DCHS2: variants seen among roughly 807,000 people sequenced by gnomAD.
The protein encoded by DCHS2 is dachsous cadherin-related 2.
In DCHS2, 142 loss-of-function variants were observed where a neutral mutation model predicts 182.4. That is an observed-to-expected ratio of 0.78 (90% CI 0.68 to 0.89). The LOEUF is 0.89. Among genes scored for constraint, DCHS2 ranks in the 40% least tolerant of loss-of-function variants. The probability of loss-of-function intolerance (pLI) is 0.00; values close to 1 mark genes in which losing one functional copy is unlikely to be tolerated. For missense variants in DCHS2, 4,319 were observed against 4,198.6 expected, an observed-to-expected ratio of 1.03 and a Z score of -0.79; for synonymous variants, 1,740 against 1,663.3, an observed-to-expected ratio of 1.05 and a Z score of -1.12.
chr4:154,304,997 A>G, intron 11 of DCHS2, 100 bp downstream of exon 11: 4 of 1,504,014 alleles, frequency 2.7e-6, no homozygotes, highest in Non-Finnish European at 8.8e-7. Context: ...TATTTTATTT[A>G]AAAACACCCC....
At position 154,490,587 on chromosome 4, in the gene DCHS2, C is replaced by G; in HGVS notation, c.769G>C (p.Glu257Gln). Residue 257 changes from glutamate to glutamine, a missense_variant, in exon 1 of 20, where the codon GAG (glutamate) becomes CAG (glutamine). By Grantham distance (29) the Glu-to-Gln change is conservative. Transcript: ENST00000357232. ...DLVLLRRLDR[E>Q]EAAAHRLQIE... ...TGCAGCCGGTGCGCCGCCGCCTCCT[C>G]TCGGTCCAAGCGCCGCAGCAGCACC... is the stretch of plus-strand genomic sequence containing the variant. The G allele has an allele frequency of 6.5e-7, 1 of 1,545,844 alleles. No individual in the cohort carries two copies. Among genetic ancestry groups the G allele is most frequent in the South Asian group, 1.2e-5 (1 of 83,984 alleles).
chr4:154,305,535 A>G (rs182331711), intron 10 of DCHS2, among the ~76,000 whole-genome samples: 20 of 152,116 alleles, frequency 1.3e-4, no homozygotes, highest in African/African-American at 4.8e-4. Context: ...ATTCCTAATT[A>G]CTCCTTCTAA....
intron 1 of DCHS2, among the ~76,000 whole-genome samples, chr4:154,485,529 A>G (rs1400355872): frequency 1.3e-5 from 2 of 152,244 alleles, no homozygotes; most frequent in Non-Finnish European, 2.9e-5. Context: ...AAGGAGATGG[A>G]GAACACACAC....
At chr4:154,426,210 G>T (rs967925875) in intron 1 of DCHS2, among the ~76,000 whole-genome samples, 6 of 152,076 alleles carry the variant, frequency 3.9e-5, no homozygotes, top group African/African-American at 1.4e-4. Context: ...GTGACTAACA[G>T]GTGACAAAAA....
chr4:154,490,278 C>A lies in DCHS2; in HGVS notation c.1078G>T (p.Glu360Ter), dbSNP rs924466734. ...CACACTCGCACCACGCCGCTCAGCT[C>A]CTCCACCGCGAAGTAGGCCGCGTCG... ...LGDAAYFAVE[E>*]LSGVVRVWRP... Residue 360 changes from glutamate (E) to a stop codon, truncating the protein, a stop_gained, in exon 1 of 20, where the codon GAG becomes TAG. Coordinates refer to ENST00000357232, the MANE Select transcript of DCHS2 (RefSeq NM_001358235.2). LOFTEE classifies it high-confidence loss of function. 1 of 1,548,720 alleles carries A rather than the reference C, an allele frequency of 6.5e-7. No homozygotes were observed. The highest frequency in any genetic ancestry group is 1.2e-5 in the South Asian group (1 of 84,018).
chr4:154,366,382 ATGATTAT>A lies in DCHS2; in HGVS notation c.2297_2303del (p.Asp766ValfsTer10). 6.2e-7 allele frequency: 1 copy of A among 1,613,950 alleles called. No individual in the cohort carries two copies. Among genetic ancestry groups the A allele is most frequent in the Non-Finnish European group, 8.5e-7 (1 of 1,179,946 alleles). ...CATAGGTTGATGGGTTAAACACAGG[ATGATTAT>A]CATTCACGTCCTCCAGGTCCACACG... On this transcript the variant is annotated frameshift_variant, in exon 3 of 20. Coordinates refer to ENST00000357232, the MANE Select transcript of DCHS2 (RefSeq NM_001358235.2). LOFTEE classifies it high-confidence loss of function.
At chr4:154,439,025 C>G (rs1335799532) in intron 1 of DCHS2, among the ~76,000 whole-genome samples, 1 of 152,140 alleles carries the variant, frequency 6.6e-6, no homozygotes, top group Non-Finnish European at 1.5e-5. Context: ...TTCTTTATGA[C>G]TTTTCATACA....
chr4:154,397,125 G>C (rs756721092), intron 1 of DCHS2, among the ~76,000 whole-genome samples: 4 of 152,146 alleles, frequency 2.6e-5, no homozygotes, highest in Non-Finnish European at 4.4e-5. Context: ...GAGCAGAAAA[G>C]GACACCGCAC....
intron 9 of DCHS2, 27 bp from the exon 10 acceptor site, chr4:154,316,014 C>A: frequency 6.2e-7 from 1 of 1,611,750 alleles, no homozygotes; most frequent in Non-Finnish European, 8.5e-7. Context: ...AGAAAAGCAA[C>A]ATGTAATGAA....
In DCHS2 at chr4:154,297,913, T is replaced by C. The variant is rs758731445; in HGVS notation, c.6401A>G (p.Asp2134Gly). 4 of 1,614,100 alleles carry C rather than the reference T, an allele frequency of 2.5e-6. No homozygotes were observed. Among genetic ancestry groups the C allele is most frequent in the Non-Finnish European group, 3.4e-6 (4 of 1,180,000 alleles). ...GLLVIHMEGE[D>G]VKISFSHHLY... ...GTGGTGGCTGAAGGAAATCTTTACA[T>C]CTTCTCCTTCCATGTGAATGACCAA... is the stretch of plus-strand genomic sequence containing the variant. The change falls in exon 13 of 20, where the codon GAT becomes GGT. Residue 2134 changes from aspartate to glycine, a missense_variant. Transcript: ENST00000357232.
chr4:154,403,828 A>C (rs1421013700), intron 1 of DCHS2, among the ~76,000 whole-genome samples: 1 of 152,156 alleles, frequency 6.6e-6, no homozygotes, highest in Non-Finnish European at 1.5e-5. Context: ...TTTTTGTGTC[A>C]GTTTTGTAAA....
chr4:154,292,613 C>T (rs919288494), intron 13 of DCHS2, among the ~76,000 whole-genome samples: 2 of 152,188 alleles, frequency 1.3e-5, no homozygotes, highest in African/African-American at 4.8e-5. Context: ...GCTTTTAGTG[C>T]CATTCCTTTA....
At chr4:154,368,517 CT>C (rs35087635) in intron 2 of DCHS2, among the ~76,000 whole-genome samples, 64,950 of 141,886 alleles carry the variant, frequency 0.46, 14,263 homozygotes, top group South Asian at 0.57. Context: ...ACGTATAATA[CT>C]TTTTTTTTTT....
In DCHS2 at chr4:154,269,888, G is replaced by A; in HGVS notation, c.6577+12C>T. ...CAGAAAATAAAGCTAGTATAGGGTAGAGAAGGATTACCTGACTTAGAGCAC... is the reference window on the plus strand; with the variant it reads ...CAGAAAATAAAGCTAGTATAGGGTAAAGAAGGATTACCTGACTTAGAGCAC... On this transcript the variant is annotated intron_variant, in intron 14 of 19. Coordinates refer to ENST00000357232, the MANE Select transcript of DCHS2 (RefSeq NM_001358235.2). 1.2e-6 allele frequency: 2 copies of A among 1,607,648 alleles called. No homozygotes were observed. Among genetic ancestry groups the A allele is most frequent in the Non-Finnish European group, 1.7e-6 (2 of 1,177,840 alleles).
chr4:154,350,681 T>C (rs2111406039), intron 3 of DCHS2, among the ~76,000 whole-genome samples: 1 of 152,272 alleles, frequency 6.6e-6, no homozygotes, highest in African/African-American at 2.4e-5. Flanking sequence ...TCTATATTTG[T>C]GATTTTGATT....
intron 3 of DCHS2, among the ~76,000 whole-genome samples, chr4:154,365,930 G>T (rs1460525605): frequency 6.6e-6 from 1 of 151,794 alleles, no homozygotes; most frequent in Non-Finnish European, 1.5e-5. Context: ...TTACAGGTGT[G>T]AGCCACCGCA....
intron 12 of DCHS2, 36 bp from the exon 13 acceptor site, chr4:154,298,744 G>T: frequency 6.6e-7 from 1 of 1,525,560 alleles, no homozygotes; most frequent in Non-Finnish European, 8.8e-7. Flanking sequence ...CATTTGAATT[G>T]AAAAAGTAGC....
At chr4:154,322,596 T>A in intron 7 of DCHS2, 108 bp from the exon 8 acceptor site, 1 of 1,348,184 alleles carries the variant, frequency 7.4e-7, no homozygotes, top group South Asian at 1.8e-5. Context: ...TGCTTTGAAT[T>A]CTATGAGAGT....
chr4:154,380,016 C>A (rs185415601), intron 1 of DCHS2, among the ~76,000 whole-genome samples: 1 of 151,986 alleles, frequency 6.6e-6, no homozygotes. Flanking sequence ...TGGGTTAATT[C>A]GAGAGATACT....
Sources: allele counts gnomAD v4.1 joint callset (sites outside exome capture counted in the v4.1 genomes callset), GRCh38; gene constraint gnomAD v4.1.1; transcripts MANE v1.5; gene names NCBI Gene and HGNC (gene_info 2026-07-23, HGNC 2026-07-21).